The following RB1 variants were observed in gnomAD, a reference collection of about 807,000 sequenced individuals.
The protein encoded by RB1 is retinoblastoma-associated protein.
A neutral mutation model predicts 135.4 loss-of-function variants in RB1; 18 were observed. The ratio of observed to expected loss-of-function variants is 0.13; its 90% confidence interval spans 0.09 to 0.20. The LOEUF (loss-of-function observed/expected upper bound fraction) is 0.20. Ranked by LOEUF, RB1 falls within the 10% of genes least tolerant of loss-of-function variation. The probability of loss-of-function intolerance (pLI) is 1.00; values close to 1 mark genes in which losing one functional copy is unlikely to be tolerated. For missense variants in RB1, 868 were observed against 1,110.0 expected (o/e 0.78, Z 3.10); for synonymous variants, 365 against 373.2 (o/e 0.98, Z 0.25).
chr13:48,347,768 A>G, intron 4 of RB1, 57 bp from the exon 5 acceptor site: 7 of 1,207,530 alleles, frequency 5.8e-6, no homozygotes, highest in Non-Finnish European at 8.5e-6. Context: ...TGAGAAAACT[A>G]CTATGACTTC....
intron 17 of RB1, among the ~76,000 whole-genome samples, chr13:48,386,530 CAT>C (rs987882327): frequency 1.3e-5 from 2 of 152,266 alleles, no homozygotes; most frequent in Non-Finnish European, 2.9e-5. Flanking sequence ...TCGTGAAACA[CAT>C]GTGTTACTTG....
chr13:48,426,775 T>C (rs1197817962), intron 17 of RB1: 1 of 152,238 alleles, frequency 6.6e-6, no homozygotes, highest in African/African-American at 2.4e-5. Context: ...ACTGATGTTG[T>C]GCTAGTTCGT....
chr13:48,452,588 C>A (rs1949334669), intron 17 of RB1, among the ~76,000 whole-genome samples: 1 of 151,982 alleles, frequency 6.6e-6, no homozygotes, highest in Non-Finnish European at 1.5e-5. Flanking sequence ...CTTGATCAAT[C>A]TGACTGGAGA....
At chr13:48,340,510 G>GT (rs1566185426) in intron 2 of RB1, among the ~76,000 whole-genome samples, 1 of 150,746 alleles carries the variant, frequency 6.6e-6, no homozygotes, top group Non-Finnish European at 1.5e-5. Flanking sequence ...AAAATTCGCT[G>GT]TTTTAAAAAA....
At chr13:48,358,593 G>A (rs529782251) in intron 6 of RB1, among the ~76,000 whole-genome samples, 2 of 152,156 alleles carry the variant, frequency 1.3e-5, no homozygotes, top group Admixed American at 6.5e-5. Flanking sequence ...TTTTTCTATA[G>A]CAGGATTGTT....
chr13:48,453,560 G>C (rs1949342059), intron 18 of RB1, among the ~76,000 whole-genome samples: 1 of 152,154 alleles, frequency 6.6e-6, no homozygotes, highest in South Asian at 2.1e-4. Context: ...CAGTTGATTA[G>C]TGTGTGCTGG....
At chr13:48,441,931 C>T (rs1255011633) in intron 17 of RB1, among the ~76,000 whole-genome samples, 1 of 152,138 alleles carries the variant, frequency 6.6e-6, no homozygotes, top group Non-Finnish European at 1.5e-5. Flanking sequence ...AAATCTTAGT[C>T]ATGAGCATTA....
chr13:48,322,994 TTGTC>T (rs1952254470), intron 2 of RB1, among the ~76,000 whole-genome samples: 1 of 152,094 alleles, frequency 6.6e-6, no homozygotes, highest in Admixed American at 6.5e-5. Context: ...TGTGCTGTCT[TTGTC>T]TGATTTTAGT....
At chr13:48,326,008 C>T (rs992248238) in intron 2 of RB1, among the ~76,000 whole-genome samples, 4 of 152,078 alleles carry the variant, frequency 2.6e-5, no homozygotes, top group African/African-American at 7.2e-5. Context: ...TGTAACCTGC[C>T]CCTACTTCTC....
At chr13:48,336,939 A>G (rs924474185) in intron 2 of RB1, among the ~76,000 whole-genome samples, 1 of 152,178 alleles carries the variant, frequency 6.6e-6, no homozygotes, top group African/African-American at 2.4e-5. Context: ...TTCGTTATGT[A>G]CCCAGTAGTC....
chr13:48,355,408 A>G (rs1952581331), intron 6 of RB1, among the ~76,000 whole-genome samples: 1 of 152,094 alleles, frequency 6.6e-6, no homozygotes, highest in Non-Finnish European at 1.5e-5. Flanking sequence ...TATTCAAAAG[A>G]CAGGCAATAA....
chr13:48,331,810 A>G, intron 2 of RB1, among the ~76,000 whole-genome samples: 1 of 152,224 alleles, frequency 6.6e-6, no homozygotes, highest in East Asian at 1.9e-4. Context: ...TCATTGCAGC[A>G]TTATTCACAG....
chr13:48,444,016 A>C (rs926692053), intron 17 of RB1, among the ~76,000 whole-genome samples: 1 of 152,150 alleles, frequency 6.6e-6, no homozygotes, highest in African/African-American at 2.4e-5. Flanking sequence ...CACACTAAGC[A>C]GCAGATACCA....
intron 17 of RB1, among the ~76,000 whole-genome samples, chr13:48,437,940 C>G (rs1949200419): frequency 6.6e-6 from 1 of 152,078 alleles, no homozygotes; most frequent in Non-Finnish European, 1.5e-5. Context: ...GAAAACAAAT[C>G]CTATTATCAG....
intron 6 of RB1, 120 bp from the exon 7 acceptor site, chr13:48,359,897 T>C: frequency 2.9e-6 from 4 of 1,394,784 alleles, no homozygotes; most frequent in Non-Finnish European, 3.8e-6. Flanking sequence ...AGAAAATCTT[T>C]ACCATGCTGA....
intron 6 of RB1, among the ~76,000 whole-genome samples, chr13:48,351,730 G>A (rs1314551424): frequency 1.3e-5 from 2 of 151,772 alleles, no homozygotes; most frequent in Non-Finnish European, 2.9e-5. Context: ...CTGGAGTGCA[G>A]TGGCACAATC....
intron 17 of RB1, among the ~76,000 whole-genome samples, chr13:48,419,281 T>C (rs200635876): frequency 3.9e-5 from 6 of 152,166 alleles, no homozygotes; most frequent in African/African-American, 1.4e-4. Context: ...TGTTCCTGAA[T>C]GAATACTGGG....
At chr13:48,314,966 T>C (rs1173371049) in intron 2 of RB1, among the ~76,000 whole-genome samples, 2 of 152,200 alleles carry the variant, frequency 1.3e-5, no homozygotes, top group Admixed American at 6.5e-5. Flanking sequence ...ATGTGATGCC[T>C]CTAGCTTTGG....
Position 48,362,807 on chromosome 13 carries a change from T to C in RB1, c.719-8T>C, listed in dbSNP as rs754589578. ...CAATTGTTCTTATCTAATTTACCACTTTTACAGAAACAGCTGTTATACCCA... is the reference window on the plus strand; with the variant it reads ...CAATTGTTCTTATCTAATTTACCACCTTTACAGAAACAGCTGTTATACCCA... On this transcript the variant is annotated splice_polypyrimidine_tract_variant and splice_region_variant and intron_variant, in intron 7 of 26. Transcript: ENST00000267163. The C allele has an allele frequency of 2.7e-5, 44 of 1,612,992 alleles. No individual in the cohort carries two copies. Among genetic ancestry groups the C allele is most frequent in the Admixed American group, 8.3e-5 (5 of 60,002 alleles).
Sources: gnomAD v4.1 joint callset for allele counts (sites outside exome capture counted in the v4.1 genomes callset) on GRCh38, gnomAD v4.1.1 for gene constraint, MANE v1.5 for transcripts, NCBI Gene and HGNC (gene_info 2026-07-23, HGNC 2026-07-21) for gene names.